Variants in LAPTM4B observed in about 807,000 individuals in gnomAD.
LAPTM4B encodes the protein lysosomal-associated transmembrane protein 4B.
Under a neutral mutation model 28.5 loss-of-function variants are expected in LAPTM4B, and 26 were observed. The observed-to-expected ratio is 0.91, with a 90% CI of 0.67 to 1.27. The LOEUF (loss-of-function observed/expected upper bound fraction) is 1.27, where lower values mean the gene tolerates loss of function less well. Ranked by LOEUF, LAPTM4B falls within the 50% of genes most tolerant of loss-of-function variation. The pLI, the probability that LAPTM4B is intolerant of heterozygous loss-of-function variation, is 0.00. For missense variants in LAPTM4B, 288 were observed against 285.8 expected, an observed-to-expected ratio of 1.01 and a Z score of -0.06; for synonymous variants, 109 against 106.4, an observed-to-expected ratio of 1.02 and a Z score of -0.15.
intron 1 of LAPTM4B, among the ~76,000 whole-genome samples, chr8:97,801,059 C>T (rs1395937198): frequency 6.6e-6 from 1 of 152,114 alleles, no homozygotes; most frequent in Non-Finnish European, 1.5e-5. Context: ...TACCTCTGCT[C>T]CCTCCTCTAA....
At chr8:97,779,809 T>C (rs1189182969) in intron 1 of LAPTM4B, among the ~76,000 whole-genome samples, 1 of 150,748 alleles carries the variant, frequency 6.6e-6, no homozygotes, top group African/African-American at 2.4e-5. Context: ...ATCCCAGCAC[T>C]TTGGGAGGCC....
intron 1 of LAPTM4B, among the ~76,000 whole-genome samples, chr8:97,804,238 T>G (rs753432882): frequency 3.3e-4 from 50 of 152,198 alleles, no homozygotes; most frequent in Admixed American, 1.3e-4. Context: ...CAGTCTTAGC[T>G]GGTGCCTCAC....
At chr8:97,786,396 T>A (rs1816400004) in intron 1 of LAPTM4B, among the ~76,000 whole-genome samples, 1 of 127,706 alleles carries the variant, frequency 7.8e-6, no homozygotes, top group African/African-American at 3.3e-5. Flanking sequence ...TTAGTAAACA[T>A]AACATTGAAC....
At chr8:97,837,642 A>G (rs753195407) in intron 6 of LAPTM4B, among the ~76,000 whole-genome samples, 2 of 152,168 alleles carry the variant, frequency 1.3e-5, no homozygotes, top group African/African-American at 2.4e-5. Flanking sequence ...CTATTAATTT[A>G]GCATCCTTTT....
chr8:97,787,155 T>C (rs1441141807), intron 1 of LAPTM4B, among the ~76,000 whole-genome samples: 2 of 152,120 alleles, frequency 1.3e-5, no homozygotes, highest in African/African-American at 4.8e-5. Flanking sequence ...GAAAGGGGTA[T>C]CTGGAGGACA....
intron 2 of LAPTM4B, among the ~76,000 whole-genome samples, chr8:97,814,502 C>T (rs1336201826): frequency 6.7e-6 from 1 of 150,334 alleles, no homozygotes; most frequent in African/African-American, 2.5e-5. Context: ...CCAGCCTGGG[C>T]GACAGAGTGA....
At chr8:97,804,807 C>G (rs1454425679) in intron 1 of LAPTM4B, among the ~76,000 whole-genome samples, 1 of 152,072 alleles carries the variant, frequency 6.6e-6, no homozygotes, top group South Asian at 2.1e-4. Flanking sequence ...CCTGGCCTGG[C>G]CTGGCCTGGC....
In LAPTM4B at chr8:97,852,303, T is replaced by C. The variant is rs1290792899; in HGVS notation, c.*829T>C. The C allele has an allele frequency of 4.6e-5, 7 of 152,406 alleles. No individual in the cohort carries two copies. The highest frequency in any genetic ancestry group is 7.3e-5 in the Non-Finnish European group (5 of 68,096). 9.4% of individuals were successfully genotyped at this position (152,406 alleles called of 1,614,324 possible). A position where few individuals can be genotyped will look rare whatever the true frequency, so the allele number is the denominator to read the frequency against. ...ATCCAACTGACTTTATCAAGTGGAA[T>C]TGGGATATATTTGATATACTTCTGC... On this transcript the variant is annotated 3_prime_UTR_variant, in exon 7 of 7. Coordinates refer to ENST00000521545, the MANE Select transcript of LAPTM4B (RefSeq NM_018407.6).
At chr8:97,795,792 G>A (rs1816570873) in intron 1 of LAPTM4B, among the ~76,000 whole-genome samples, 1 of 141,164 alleles carries the variant, frequency 7.1e-6, no homozygotes, top group Non-Finnish European at 1.5e-5. Flanking sequence ...GGCCGAGATT[G>A]CCCCACTGCA....
At chr8:97,840,420 A>C (rs1157097424) in intron 6 of LAPTM4B, among the ~76,000 whole-genome samples, 1 of 152,204 alleles carries the variant, frequency 6.6e-6, no homozygotes, top group Non-Finnish European at 1.5e-5. Context: ...GTAGTTTTGC[A>C]GTAAATTGAG....
At chr8:97,793,639 G>A (rs1212757368) in intron 1 of LAPTM4B, among the ~76,000 whole-genome samples, 1 of 152,084 alleles carries the variant, frequency 6.6e-6, no homozygotes, top group African/African-American at 2.4e-5. Flanking sequence ...TTTTGTACAT[G>A]GAAATACCAC....
intron 2 of LAPTM4B, among the ~76,000 whole-genome samples, chr8:97,809,373 T>G (rs1041092593): frequency 2.0e-5 from 3 of 152,216 alleles, no homozygotes; most frequent in Non-Finnish European, 4.4e-5. Context: ...AGAGTTCATA[T>G]GAGTATAATG....
intron 6 of LAPTM4B, among the ~76,000 whole-genome samples, chr8:97,848,270 A>C (rs1398349195): frequency 6.6e-6 from 1 of 152,238 alleles, no homozygotes. Context: ...GAAACAAAAC[A>C]AAACCAAAGA....
rs192349658 is a variant in LAPTM4B, at chr8:97,803,085, G to T, written c.100-2268G>T. ...GTGGTGGCAGGCACTTGTAACCCCAGCTACTCGAGAGGCTGAGGCAGGAGA... is the reference window on the plus strand; with the variant it reads ...GTGGTGGCAGGCACTTGTAACCCCATCTACTCGAGAGGCTGAGGCAGGAGA... On this transcript the variant is annotated intron_variant, in intron 1 of 6. Transcript: ENST00000521545. 2.2e-3 allele frequency among the ~76,000 whole-genome samples: 335 copies of T among 151,782 alleles called. 2 individuals carry two copies. Among genetic ancestry groups the T allele is most frequent in the African/African-American group, 7.6e-3 (313 of 41,426 alleles).
At chr8:97,833,988 C>A (rs1254048286) in intron 6 of LAPTM4B, among the ~76,000 whole-genome samples, 2 of 151,932 alleles carry the variant, frequency 1.3e-5, no homozygotes, top group Non-Finnish European at 2.9e-5. Flanking sequence ...ATTCCTCATT[C>A]TCTAGTGGTG....
In LAPTM4B at chr8:97,782,728, C is replaced by T. The variant is rs1586317910; in HGVS notation, c.99+6620C>T. Among the ~76,000 whole-genome samples, 8 of 149,368 alleles carry T rather than the reference C, an allele frequency of 5.4e-5. 1 individual carries two copies. On this transcript the variant is annotated intron_variant, in intron 1 of 6. Transcript: ENST00000521545. ...TGGGATTACGGGCGTGAGCCACCGTCCCCAGCCTTTTTTTTTTTCTGAGAC... is the reference window on the plus strand; with the variant it reads ...TGGGATTACGGGCGTGAGCCACCGTTCCCAGCCTTTTTTTTTTTCTGAGAC...
chr8:97,811,815 T>C (rs2088928611), intron 2 of LAPTM4B, among the ~76,000 whole-genome samples: 2 of 152,138 alleles, frequency 1.3e-5, no homozygotes, highest in African/African-American at 2.4e-5. Flanking sequence ...CTTTTGTATT[T>C]TATTTTTTGA....
intron 1 of LAPTM4B, among the ~76,000 whole-genome samples, chr8:97,783,373 C>T (rs142191699): frequency 1.4e-3 from 208 of 152,098 alleles, no homozygotes; most frequent in African/African-American, 4.7e-3. Flanking sequence ...CTCACAGTTT[C>T]CTTGTTTACT....
intron 1 of LAPTM4B, among the ~76,000 whole-genome samples, chr8:97,783,695 C>T (rs1229633510): frequency 6.6e-6 from 1 of 152,188 alleles, no homozygotes; most frequent in Non-Finnish European, 1.5e-5. Context: ...AGCCTTCTAC[C>T]TGTGGGGTCT....
Sources: gnomAD v4.1 joint callset for allele counts (sites outside exome capture counted in the v4.1 genomes callset) on GRCh38, gnomAD v4.1.1 for gene constraint, MANE v1.5 for transcripts, NCBI Gene and HGNC (gene_info 2026-07-23, HGNC 2026-07-21) for gene names.